Variants in PLXNB2 observed in about 807,000 individuals in gnomAD.
The protein encoded by PLXNB2 is plexin-B2.
In PLXNB2, 85 loss-of-function variants were observed where a neutral mutation model predicts 202.6. That is an observed-to-expected ratio of 0.42 (90% CI 0.35 to 0.50). PLXNB2 has a LOEUF of 0.50. Among genes scored for constraint, PLXNB2 ranks in the 20% least tolerant of loss-of-function variants. PLXNB2 has a pLI of 0.02. For synonymous variants in PLXNB2, 1,239 were observed against 1,137.6 expected, an observed-to-expected ratio of 1.09 and a Z score of -1.79; for missense variants, 2,063 against 2,586.2, an observed-to-expected ratio of 0.80 and a Z score of 4.39.
intron 1 of PLXNB2, among the ~76,000 whole-genome samples, chr22:50,304,850 G>T (rs2067830633): frequency 1.3e-5 from 2 of 152,174 alleles, no homozygotes; most frequent in African/African-American, 2.4e-5. Flanking sequence ...GGAGGTCAAG[G>T]CTGGGGGGCC....
At chr22:50,278,059 G>A (rs2065733666) in intron 31 of PLXNB2, 46 bp from the exon 32 acceptor site, 1 of 1,593,288 alleles carries the variant, frequency 6.3e-7, no homozygotes. Context: ...CGCGGCTCCT[G>A]GGGGGGAGGG....
chr22:50,301,477 G>A, intron 1 of PLXNB2: 1 of 805,168 alleles, frequency 1.2e-6, no homozygotes, highest in Non-Finnish European at 1.5e-6. Flanking sequence ...TCAGACAGCA[G>A]GCGGCCACGG....
Position 50,288,776 on chromosome 22 carries a change from G to A in PLXNB2, c.1347C>T (p.Asp449=). 1 of 1,613,034 alleles carries A rather than the reference G, an allele frequency of 6.2e-7. No individual in the cohort carries two copies. The highest frequency in any genetic ancestry group is 8.5e-7 in the Non-Finnish European group (1 of 1,179,952). The change falls in exon 5 of 37, where the codon GAC becomes GAT. Residue 449 remains aspartate, a synonymous_variant. Coordinates refer to ENST00000359337, the MANE Select transcript of PLXNB2 (RefSeq NM_012401.4). The surrounding 1 kb of genome is among the most constrained non-coding windows in gnomAD (Gnocchi z 5.0). ...RVKRDLVLSG[D]LGSLYAMTQD... ...GGGTCATGGCGTACAGGCTGCCCAG[G>A]TCTCCAGACAGTACCAGGTCGCGCT...
chr22:50,301,310 C>T lies in PLXNB2; in HGVS notation c.-74+6243G>A. Reference sequence around the variant, plus strand: ...AGCCCCCTCTTGCTACACCGTGGTCCTTCGGGTCAGAAAGCTGGGCAGCGC... The same window carrying T: ...AGCCCCCTCTTGCTACACCGTGGTCTTTCGGGTCAGAAAGCTGGGCAGCGC... On this transcript the variant is annotated intron_variant, in intron 1 of 36. Coordinates refer to ENST00000359337, the MANE Select transcript of PLXNB2 (RefSeq NM_012401.4). 1.1e-5 allele frequency: 9 copies of T among 798,890 alleles called. No homozygotes were observed. In the South Asian group the frequency reaches 4.0e-4, roughly 35 times the overall value. The allele number at this position is 798,890 out of a possible 1,614,324, so 49.5% of individuals were successfully genotyped here. A position where few individuals can be genotyped will look rare whatever the true frequency, so the allele number is the denominator to read the frequency against.
intron 2 of PLXNB2, among the ~76,000 whole-genome samples, chr22:50,292,881 A>G (rs28607360): frequency 0.23 from 34,457 of 152,086 alleles, 4,292 homozygotes; most frequent in Non-Finnish European, 0.29. Context: ...CTGGGAGTGC[A>G]CCCATTAGAC....
chr22:50,306,717 TCACCC>T, intron 1 of PLXNB2, among the ~76,000 whole-genome samples: 1 of 147,234 alleles, frequency 6.8e-6, no homozygotes, highest in Non-Finnish European at 1.5e-5. Flanking sequence ...ACCCTCACCC[TCACCC>T]TCACCCTCAC....
At chr22:50,304,460 G>T (rs2067814795) in intron 1 of PLXNB2, among the ~76,000 whole-genome samples, 1 of 152,230 alleles carries the variant, frequency 6.6e-6, no homozygotes, top group Admixed American at 6.5e-5. Flanking sequence ...GTGGCTGGGG[G>T]AGCCCAGAAC....
chr22:50,286,811 G>A (rs1206540449), intron 8 of PLXNB2, among the ~76,000 whole-genome samples: 2 of 152,080 alleles, frequency 1.3e-5, no homozygotes, highest in Non-Finnish European at 2.9e-5. Context: ...CTGCCGAGAC[G>A]ACGGGGCCTG....
chr22:50,279,936 G>A, intron 26 of PLXNB2, 69 bp downstream of exon 26: 3 of 1,425,098 alleles, frequency 2.1e-6, no homozygotes. Context: ...ACAGATAGGG[G>A]AACGCAGGAG....
Position 50,290,362 on chromosome 22 carries a change from T to C in PLXNB2, c.223A>G (p.Asn75Asp). ...QQVATGPALD[N>D]KKCTPPIEAS... ...TCGATGGGCGGCGTGCACTTCTTGTTGTCCAGGGCCGGGCCCGTGGCCACC... is the reference window on the plus strand; with the variant it reads ...TCGATGGGCGGCGTGCACTTCTTGTCGTCCAGGGCCGGGCCCGTGGCCACC... The change falls in exon 3 of 37, where the codon AAC (asparagine) becomes GAC (aspartate). Residue 75 changes from asparagine (N) to aspartate (D), a missense_variant. Around this residue, in one of 2 missense-constraint regions of PLXNB2, gnomAD observed 1,303 missense variants for 1,476.8 expected, o/e 0.88. Transcript: ENST00000359337. 6.2e-7 allele frequency: 1 copy of C among 1,612,792 alleles called. No individual in the cohort carries two copies. The highest frequency in any genetic ancestry group is 8.5e-7 in the Non-Finnish European group (1 of 1,179,948).
chr22:50,300,218 T>A, intron 1 of PLXNB2: 1 of 961,856 alleles, frequency 1.0e-6, no homozygotes, highest in Non-Finnish European at 1.2e-6. Flanking sequence ...CGAGTAACAA[T>A]GACGGCGGCG....
chr22:50,281,942 G>T lies in PLXNB2; in HGVS notation c.3257C>A (p.Ala1086Asp). The change falls in exon 20 of 37, where the codon GCC (alanine) becomes GAC (aspartate). Residue 1086 changes from alanine to aspartate, a missense_variant. By Grantham distance (126) the Ala-to-Asp change is moderately radical. Around this residue, in one of 2 missense-constraint regions of PLXNB2, gnomAD observed 760 missense variants for 1,109.4 expected, o/e 0.69. Transcript: ENST00000359337. ...DGHRALLRTE[A>D]GAFEYVPDPT... ...GTCAGGCACGTACTCGAAGGCCCCG[G>T]CCTCTGTTCTGAGCAGGGCACGGTG... 6.2e-7 allele frequency: 1 copy of T among 1,613,132 alleles called. No homozygotes were observed.
Position 50,290,572 on chromosome 22 carries a change from G to C in PLXNB2, c.13C>G (p.Leu5Val), listed in dbSNP as rs755797039. ...AGGCCCAGCAGGGTCAGGGCCCAGA[G>C]CTGCAGTGCCATTGCCCCCCGCACC... MALQ[L>V]WALTLLGLLG... Residue 5 changes from leucine (L) to valine (V), a missense_variant, in exon 3 of 37, where the codon CTC becomes GTC. Transcript: ENST00000359337. 18 of 1,607,368 alleles carry C rather than the reference G, an allele frequency of 1.1e-5. No individual in the cohort carries two copies. Among genetic ancestry groups the C allele is most frequent in the Non-Finnish European group, 1.4e-5 (17 of 1,178,466 alleles).
At chr22:50,279,803 GAGGTC>G in intron 26 of PLXNB2, 27 bp from the exon 27 acceptor site, 1 of 1,613,090 alleles carries the variant, frequency 6.2e-7, no homozygotes, top group Non-Finnish European at 8.5e-7. Flanking sequence ...GGGAGGCTGG[GAGGTC>G]AGGGGACTTG....
At chr22:50,283,528 C>T in intron 15 of PLXNB2, 74 bp downstream of exon 15, 1 of 1,565,804 alleles carries the variant, frequency 6.4e-7, no homozygotes, top group Non-Finnish European at 8.7e-7. Flanking sequence ...GCCTCCCCAC[C>T]CACCCAGTCA....
intron 1 of PLXNB2, among the ~76,000 whole-genome samples, chr22:50,301,040 A>C (rs952051451): frequency 6.6e-6 from 1 of 152,004 alleles, no homozygotes; most frequent in Non-Finnish European, 1.5e-5. Context: ...GTGCGTCCCT[A>C]GACTGGGGCC....
chr22:50,295,268 C>T (rs1285544285), intron 1 of PLXNB2, among the ~76,000 whole-genome samples: 1 of 141,116 alleles, frequency 7.1e-6, no homozygotes, highest in Non-Finnish European at 1.5e-5. Context: ...TTGCAGTGAG[C>T]GGAGATCGCA....
intron 8 of PLXNB2, 34 bp from the exon 9 acceptor site, chr22:50,286,321 C>T (rs369395424): frequency 4.1e-5 from 62 of 1,524,178 alleles, no homozygotes; most frequent in East Asian, 2.2e-5. Context: ...GTCAAGGTGG[C>T]GGCCGCAGGG....
In PLXNB2 at chr22:50,288,908, C is replaced by T; in HGVS notation, c.1252-37G>A. On this transcript the variant is annotated intron_variant, in intron 4 of 36. Transcript: ENST00000359337. The surrounding 1 kb of genome is among the most constrained non-coding windows in gnomAD (Gnocchi z 5.0). ...AGGGCAGGCCGGTGAGGGTACGGGC[C>T]TTGTGCACAGACGGGCCCTCCAGAG... The T allele has an allele frequency of 1.2e-6, 2 of 1,611,132 alleles. No homozygotes were observed. Among genetic ancestry groups the T allele is most frequent in the Non-Finnish European group, 1.7e-6 (2 of 1,178,396 alleles).
Sources: allele counts gnomAD v4.1 joint callset (sites outside exome capture counted in the v4.1 genomes callset), GRCh38; gene constraint gnomAD v4.1.1; regional missense constraint gnomAD v4.1.1; non-coding constraint Gnocchi (gnomAD v3.1); transcripts MANE v1.5; gene names NCBI Gene and HGNC (gene_info 2026-07-23, HGNC 2026-07-21).